The following GSAP variants were observed in gnomAD, a reference collection of about 807,000 sequenced individuals.
GSAP encodes the protein gamma-secretase-activating protein.
A neutral mutation model predicts 131.7 loss-of-function variants in GSAP; 118 were observed. That is an observed-to-expected ratio of 0.90 (90% CI 0.77 to 1.04). The LOEUF (loss-of-function observed/expected upper bound fraction) is 1.04, where lower values mean the gene tolerates loss of function less well. Ranked by LOEUF, GSAP falls within the 50% of genes least tolerant of loss-of-function variation. The probability of loss-of-function intolerance (pLI) is 0.00; values close to 1 mark genes in which losing one functional copy is unlikely to be tolerated. For synonymous variants in GSAP, 381 were observed against 363.4 expected, an observed-to-expected ratio of 1.05 and a Z score of -0.55; for missense variants, 1,019 against 1,013.2, an observed-to-expected ratio of 1.01 and a Z score of -0.08.
chr7:77,390,946 T>TTAAAAAA lies in GSAP; in HGVS notation c.368-3499_368-3498insTTTTTTA, dbSNP rs71531149. Among the ~76,000 whole-genome samples, 20 of 37,942 alleles carry TTAAAAAA rather than the reference T, an allele frequency of 5.3e-4. 1 individual carries two copies. Among genetic ancestry groups the TTAAAAAA allele is most frequent in the Admixed American group, 1.5e-3 (5 of 3,266 alleles). 24.9% of individuals were successfully genotyped at this position (37,942 alleles called of 152,430 possible). ...CCTGGTGACAGAGCGAGACTCCGTC[T>TTAAAAAA]AAAAAAAAAAAAAAAAAAAAAAAAA... On this transcript the variant is annotated intron_variant, in intron 5 of 30. Coordinates refer to ENST00000257626, the MANE Select transcript of GSAP (RefSeq NM_017439.4).
intron 26 of GSAP, among the ~76,000 whole-genome samples, chr7:77,320,184 G>A (rs1034976323): frequency 9.2e-5 from 14 of 152,110 alleles, no homozygotes; most frequent in Non-Finnish European, 5.9e-5. Flanking sequence ...TTTCTAGCAC[G>A]TTACCGGTCA....
intron 12 of GSAP, among the ~76,000 whole-genome samples, chr7:77,372,140 T>G (rs1052724710): frequency 6.6e-5 from 10 of 152,154 alleles, no homozygotes; most frequent in Admixed American, 6.5e-4. Flanking sequence ...TTACAAATAA[T>G]GTATAAAGGA....
chr7:77,412,171 C>T (rs1188169926), intron 1 of GSAP, among the ~76,000 whole-genome samples: 1 of 152,110 alleles, frequency 6.6e-6, no homozygotes, highest in Non-Finnish European at 1.5e-5. Flanking sequence ...GAGCTTGACT[C>T]TCAAAAGAAA....
chr7:77,374,783 C>T (rs578246662), intron 11 of GSAP, among the ~76,000 whole-genome samples: 3 of 152,050 alleles, frequency 2.0e-5, no homozygotes, highest in South Asian at 2.1e-4. Context: ...TCTATTTAAT[C>T]GCAGGGAGAA....
Position 77,355,214 on chromosome 7 carries a change from T to A in GSAP, c.1337A>T (p.Gln446Leu), listed in dbSNP as rs1371849887. The A allele has an allele frequency of 6.2e-7, 1 of 1,601,674 alleles. No homozygotes were observed. Residue 446 changes from glutamine (Q) to leucine (L), a missense_variant and splice_region_variant, in exon 16 of 31, where the codon CAG becomes CTG. Gln to Leu is a moderately radical substitution (Grantham distance 113). Transcript: ENST00000257626. ...TTAAAACATGAGCTATCTTCTCACC[T>A]GGGCTTCCAGGAACTGCGCACCTTG... ...CGQGAQFLEA[Q>L]IIQWISENVS... is the part of the protein sequence containing the mutation.
At chr7:77,384,738 AGGGAAATGTGCTGCT>A (rs1280036642) in intron 6 of GSAP, among the ~76,000 whole-genome samples, 1 of 152,164 alleles carries the variant, frequency 6.6e-6, no homozygotes, top group African/African-American at 2.4e-5. Flanking sequence ...ATGCAGAGTT[AGGGAAATGTGCTGCT>A]GGAGATCACC....
At chr7:77,333,050 C>G (rs1002996402) in intron 19 of GSAP, among the ~76,000 whole-genome samples, 1 of 152,110 alleles carries the variant, frequency 6.6e-6, no homozygotes, top group African/African-American at 2.4e-5. Context: ...ACCTGTAGTC[C>G]CAGCTACTTG....
chr7:77,357,645 A>AAAAAATAAT (rs1259379594), intron 14 of GSAP, among the ~76,000 whole-genome samples: 1 of 152,156 alleles, frequency 6.6e-6, no homozygotes, highest in East Asian at 1.9e-4. Flanking sequence ...TAAAACCTCA[A>AAAAAATAAT]AAAAATAATG....
chr7:77,405,952 T>C, intron 2 of GSAP, 77 bp downstream of exon 2: 1 of 548,994 alleles, frequency 1.8e-6, no homozygotes, highest in Non-Finnish European at 2.8e-6. Context: ...AGTATAGAAT[T>C]CTGTAAAAAG....
In GSAP at chr7:77,382,573, C is replaced by T. The variant is rs369373153; in HGVS notation, c.526+1G>A. ...CATATTCCACCTAAAGATACACTTACATTTCTCTTCTGAAATCAGTAACAG... is the reference window on the plus strand; with the variant it reads ...CATATTCCACCTAAAGATACACTTATATTTCTCTTCTGAAATCAGTAACAG... On this transcript the variant is annotated splice_donor_variant, in intron 7 of 30. Transcript: ENST00000257626. LOFTEE classifies it high-confidence loss of function. The T allele has an allele frequency of 4.2e-5, 62 of 1,486,586 alleles. No homozygotes were observed. The highest frequency in any genetic ancestry group is 5.5e-5 in the Non-Finnish European group (59 of 1,063,982). 92.1% of individuals were successfully genotyped at this position (1,486,586 alleles called of 1,614,324 possible). A position where few individuals can be genotyped will look rare whatever the true frequency, so the allele number is the denominator to read the frequency against.
At chr7:77,407,521 ACTCTT>A (rs1802501223) in intron 1 of GSAP, among the ~76,000 whole-genome samples, 4 of 151,714 alleles carry the variant, frequency 2.6e-5, no homozygotes, top group Admixed American at 1.3e-4. Context: ...CTGTTTTACT[ACTCTT>A]CTAAGTTTAT....
chr7:77,357,911 C>A (rs1463122005), intron 14 of GSAP, among the ~76,000 whole-genome samples: 1 of 152,178 alleles, frequency 6.6e-6, no homozygotes. Context: ...GTTACAGCAA[C>A]AATAAACTAA....
At chr7:77,398,103 G>A (rs1800737431) in intron 3 of GSAP, among the ~76,000 whole-genome samples, 2 of 152,132 alleles carry the variant, frequency 1.3e-5, no homozygotes, top group South Asian at 4.1e-4. Context: ...AGGAACTAGA[G>A]AACACCAGTT....
At chr7:77,390,946 TAAAAAAAAAAAAA>T (rs71085453) in intron 5 of GSAP, among the ~76,000 whole-genome samples, 36 of 37,944 alleles carry the variant, frequency 9.5e-4, no homozygotes, top group African/African-American at 2.0e-3. Context: ...AGACTCCGTC[TAAAAAAAAAAAAA>T]AAAAAAAAAA....
At chr7:77,376,813 A>T in intron 10 of GSAP, 35 bp downstream of exon 10, 1 of 1,081,586 alleles carries the variant, frequency 9.2e-7, no homozygotes, top group South Asian at 1.4e-5. Context: ...ATGTATCATA[A>T]ACTTTCCTGT....
intron 18 of GSAP, among the ~76,000 whole-genome samples, chr7:77,351,979 G>T (rs10259168): frequency 1.3e-5 from 2 of 152,108 alleles, no homozygotes; most frequent in African/African-American, 4.8e-5. Flanking sequence ...GCCTAGAGAG[G>T]GAACAAGTTC....
chr7:77,416,361 C>A, upstream of GSAP: 1 of 1,212,656 alleles, frequency 8.2e-7, no homozygotes, highest in Non-Finnish European at 1.1e-6. Flanking sequence ...GGGCCCCGCA[C>A]CGCGGGCATT....
At chr7:77,393,051 G>A (rs1333392686) in intron 5 of GSAP, among the ~76,000 whole-genome samples, 1 of 151,892 alleles carries the variant, frequency 6.6e-6, no homozygotes, top group African/African-American at 2.4e-5. Context: ...GCCAAGAAAA[G>A]GAGCATTACT....
At chr7:77,384,204 T>C (rs1406156918) in intron 6 of GSAP, among the ~76,000 whole-genome samples, 2 of 152,228 alleles carry the variant, frequency 1.3e-5, no homozygotes, top group African/African-American at 4.8e-5. Context: ...GAAGATGGTA[T>C]GGCCTCCCGG....
Sources: allele counts gnomAD v4.1 joint callset (sites outside exome capture counted in the v4.1 genomes callset), GRCh38; gene constraint gnomAD v4.1.1; transcripts MANE v1.5; gene names NCBI Gene and HGNC (gene_info 2026-07-23, HGNC 2026-07-21).